The following BCAS3 variants were observed in gnomAD, a reference collection of about 807,000 sequenced individuals.
The protein encoded by BCAS3 is BCAS4/BCAS3 fusion.
In BCAS3, 53 loss-of-function variants were observed where a neutral mutation model predicts 116.1. That is an observed-to-expected ratio of 0.46 (90% CI 0.37 to 0.57). BCAS3 has a LOEUF of 0.57. Among genes scored for constraint, BCAS3 ranks in the 20% least tolerant of loss-of-function variants. The pLI is 0.00. For missense variants in BCAS3, 917 were observed against 1,165.4 expected (o/e 0.79, Z 3.10); for synonymous variants, 391 against 408.2 (o/e 0.96, Z 0.51).
intron 19 of BCAS3, among the ~76,000 whole-genome samples, chr17:61,072,189 A>T (rs1018337507): frequency 3.9e-5 from 6 of 152,184 alleles, no homozygotes; most frequent in Non-Finnish European, 8.8e-5. Context: ...TGGAAAGTTA[A>T]TGAGGGCAGA....
intron 7 of BCAS3, among the ~76,000 whole-genome samples, chr17:60,852,929 C>G (rs139536638): frequency 6.6e-6 from 1 of 152,282 alleles, no homozygotes; most frequent in East Asian, 1.9e-4. Context: ...TAAGATTAAC[C>G]AATTGCCCTC....
In BCAS3 at chr17:61,151,916, A is replaced by G. The variant is rs1000657347; in HGVS notation, c.2425+67352A>G. Among the ~76,000 whole-genome samples the G allele has an allele frequency of 1.1e-4, 16 of 152,298 alleles. No individual in the cohort carries two copies. Among genetic ancestry groups the G allele is most frequent in the Admixed American group, 9.1e-4 (14 of 15,302 alleles). On this transcript the variant is annotated intron_variant, in intron 22 of 23. Coordinates refer to ENST00000407086, the MANE Select transcript of BCAS3 (RefSeq NM_017679.5). The surrounding 1 kb of genome is among the most constrained non-coding windows in gnomAD (Gnocchi z 4.8). ...CCAGACTTACTATAAGAAGTATGGC[A>G]AGCACCAGCTCCACATAGTGACACA... is the stretch of plus-strand genomic sequence containing the variant.
intron 6 of BCAS3, among the ~76,000 whole-genome samples, chr17:60,797,240 A>G: frequency 6.6e-6 from 1 of 151,976 alleles, no homozygotes; most frequent in Admixed American, 6.6e-5. Context: ...TCAATATACC[A>G]CATTTTCTTT....
At chr17:60,786,003 G>A (rs1568247898) in intron 6 of BCAS3, among the ~76,000 whole-genome samples, 1 of 152,174 alleles carries the variant, frequency 6.6e-6, no homozygotes, top group Non-Finnish European at 1.5e-5. Flanking sequence ...GATGTGCATA[G>A]GTTGTATACA....
Position 61,366,198 on chromosome 17 carries a change from A to G in BCAS3, c.2426-2129A>G, listed in dbSNP as rs2058723143. 6.6e-6 allele frequency among the ~76,000 whole-genome samples: 1 copy of G among 151,726 alleles called. No homozygotes were observed. Among genetic ancestry groups the G allele is most frequent in the Non-Finnish European group, 1.5e-5 (1 of 67,990 alleles). ...GGAGGAGGGCCCACGTTTTCTTGTT[A>G]TCATTAAGTCCTTGCGTCGCATGCA... On this transcript the variant is annotated intron_variant, in intron 22 of 23. Coordinates refer to ENST00000407086, the MANE Select transcript of BCAS3 (RefSeq NM_017679.5). The surrounding 1 kb of genome is among the most constrained non-coding windows in gnomAD (Gnocchi z 4.5).
At chr17:60,806,083 G>C (rs940595385) in intron 6 of BCAS3, among the ~76,000 whole-genome samples, 2 of 151,498 alleles carry the variant, frequency 1.3e-5, no homozygotes, top group Non-Finnish European at 2.9e-5. Flanking sequence ...CACCATGTTG[G>C]CCAGGCTGGT....
rs116974496 is a variant in BCAS3, at chr17:61,300,186, C to G, written c.2426-68141C>G. Reference sequence around the variant, plus strand: ...TACAGCTTATACTGAAAGGACAAAACAGCCAGCCAGTCTTCTATGAGAAAG... The same window carrying G: ...TACAGCTTATACTGAAAGGACAAAAGAGCCAGCCAGTCTTCTATGAGAAAG... On this transcript the variant is annotated intron_variant, in intron 22 of 23. Transcript: ENST00000407086. This position sits in a 1 kb window ranked among gnomAD's most constrained non-coding sequence, Gnocchi z 5.1. Among the ~76,000 whole-genome samples the G allele has an allele frequency of 2.2e-4, 33 of 152,296 alleles. 1 individual carries two copies. The highest frequency in any genetic ancestry group is 4.6e-4 in the Non-Finnish European group (31 of 68,022).
At chr17:60,721,724 A>G (rs1212850584) in intron 5 of BCAS3, among the ~76,000 whole-genome samples, 1 of 152,110 alleles carries the variant, frequency 6.6e-6, no homozygotes, top group Non-Finnish European at 1.5e-5. Flanking sequence ...ACATACAGTA[A>G]AATGCACAAA....
In BCAS3 at chr17:61,204,830, T is replaced by A. The variant is rs1568570843; in HGVS notation, c.2425+120266T>A. On this transcript the variant is annotated intron_variant, in intron 22 of 23. Coordinates refer to ENST00000407086, the MANE Select transcript of BCAS3 (RefSeq NM_017679.5). The surrounding 1 kb of genome is among the most constrained non-coding windows in gnomAD (Gnocchi z 4.2). Reference sequence around the variant, plus strand: ...ACTTTAGGAGGCTGAGGCACGCAGATCAGTTGAGGCCAGGAGTTCGAGACC... The same window carrying A: ...ACTTTAGGAGGCTGAGGCACGCAGAACAGTTGAGGCCAGGAGTTCGAGACC... Among the ~76,000 whole-genome samples, 1 of 152,078 alleles carries A rather than the reference T, an allele frequency of 6.6e-6. No homozygotes were observed. The highest frequency in any genetic ancestry group is 1.5e-5 in the Non-Finnish European group (1 of 68,030).
chr17:61,238,343 C>G (rs2083228197), intron 22 of BCAS3, among the ~76,000 whole-genome samples: 1 of 152,106 alleles, frequency 6.6e-6, no homozygotes, highest in Non-Finnish European at 1.5e-5. Flanking sequence ...CTGCCTCAAC[C>G]TCCTGAGTAG....
At chr17:60,741,030 A>G (rs992400257) in intron 5 of BCAS3, among the ~76,000 whole-genome samples, 1 of 152,096 alleles carries the variant, frequency 6.6e-6, no homozygotes, top group Non-Finnish European at 1.5e-5. Flanking sequence ...ACATTTTACA[A>G]TGTCTTGTCC....
intron 7 of BCAS3, among the ~76,000 whole-genome samples, chr17:60,840,056 C>T (rs1030398170): frequency 2.7e-5 from 4 of 150,860 alleles, no homozygotes; most frequent in African/African-American, 9.7e-5. Context: ...AAAAAAAAAC[C>T]CTCTATTTTG....
intron 15 of BCAS3, among the ~76,000 whole-genome samples, chr17:61,014,635 T>TAGG (rs1292774668): frequency 6.6e-6 from 1 of 151,092 alleles, no homozygotes; most frequent in African/African-American, 2.4e-5. Context: ...AAGTTCTAGG[T>TAGG]AGGTCAGTGA....
intron 5 of BCAS3, among the ~76,000 whole-genome samples, chr17:60,732,923 C>T (rs761533987): frequency 1.5e-4 from 23 of 152,172 alleles, no homozygotes; most frequent in South Asian, 4.1e-4. Context: ...CAAATTTCTA[C>T]GTATTAAATA....
At chr17:60,742,426 C>CTTTTTTT (rs1173664552) in intron 5 of BCAS3, among the ~76,000 whole-genome samples, 47 of 103,464 alleles carry the variant, frequency 4.5e-4, no homozygotes, top group East Asian at 6.2e-4. Context: ...TCCTTGACAT[C>CTTTTTTT]TTTTTTTTTT....
chr17:60,980,431 T>C (rs1471032962), intron 14 of BCAS3: 1 of 152,216 alleles, frequency 6.6e-6, no homozygotes, highest in Non-Finnish European at 1.5e-5. Flanking sequence ...TTTATCTTCT[T>C]TGGAGAAATA....
chr17:61,097,906 G>A lies in BCAS3; in HGVS notation c.2425+13342G>A, dbSNP rs1380821038. On this transcript the variant is annotated intron_variant, in intron 22 of 23. Transcript: ENST00000407086. This position sits in a 1 kb window ranked among gnomAD's most constrained non-coding sequence, Gnocchi z 4.0. ...ATTTCAAAACACTGTATGCTGAAAT[G>A]AGCCACGTGGGAGTTGAAGAGAATC... 1.3e-5 allele frequency among the ~76,000 whole-genome samples: 2 copies of A among 152,196 alleles called. No individual in the cohort carries two copies. Among genetic ancestry groups the A allele is most frequent in the Admixed American group, 6.5e-5 (1 of 15,284 alleles).
chr17:60,925,687 C>G (rs770682362), intron 13 of BCAS3, among the ~76,000 whole-genome samples: 12 of 152,064 alleles, frequency 7.9e-5, no homozygotes, highest in African/African-American at 1.2e-4. Context: ...TCCTGTATAT[C>G]AAAAGTGGTA....
intron 22 of BCAS3, among the ~76,000 whole-genome samples, chr17:61,274,499 G>A (rs374419597): frequency 2.0e-5 from 3 of 152,096 alleles, no homozygotes; most frequent in African/African-American, 7.2e-5. Context: ...ATGTTGGCCA[G>A]GCTGGTCTCA....
Sources: allele counts gnomAD v4.1 joint callset (sites outside exome capture counted in the v4.1 genomes callset), GRCh38; gene constraint gnomAD v4.1.1; non-coding constraint Gnocchi (gnomAD v3.1); transcripts MANE v1.5; gene names NCBI Gene and HGNC (gene_info 2026-07-23, HGNC 2026-07-21).